Variants in TCOF1 observed in about 807,000 individuals in gnomAD.
The protein encoded by TCOF1 is treacle protein.
In TCOF1, 33 loss-of-function variants were observed where a neutral mutation model predicts 149.0. That is an observed-to-expected ratio of 0.22 (90% confidence interval 0.17 to 0.30). The LOEUF (loss-of-function observed/expected upper bound fraction) is 0.30, where lower values mean the gene tolerates loss of function less well. Among genes scored for constraint, TCOF1 ranks in the 10% least tolerant of loss-of-function variants. The pLI, the probability that TCOF1 is intolerant of heterozygous loss-of-function variation, is 1.00. For missense variants in TCOF1, 1,728 were observed against 1,840.7 expected, an observed-to-expected ratio of 0.94 and a Z score of 1.12; for synonymous variants, 789 against 738.8, an observed-to-expected ratio of 1.07 and a Z score of -1.10.
intron 17 of TCOF1, among the ~76,000 whole-genome samples, chr5:150,387,516 C>G (rs1766530030): frequency 6.6e-6 from 1 of 151,406 alleles, no homozygotes; most frequent in Non-Finnish European, 1.5e-5. Context: ...CAGCAAGTAA[C>G]TGTTTCTGAA....
intron 2 of TCOF1, among the ~76,000 whole-genome samples, chr5:150,363,364 A>G (rs1760603869): frequency 6.6e-6 from 1 of 152,162 alleles, no homozygotes; most frequent in Non-Finnish European, 1.5e-5. Context: ...CAGCTGGGAA[A>G]CCTGGGGCCT....
chr5:150,373,268 T>G (rs567956753), intron 7 of TCOF1, among the ~76,000 whole-genome samples: 35 of 152,248 alleles, frequency 2.3e-4, no homozygotes, highest in African/African-American at 7.7e-4. Flanking sequence ...TCACAAGCTG[T>G]GGACTCAAGC....
rs113061810 is a variant in TCOF1 at position 150,392,586 on chromosome 5, C to T, written c.3518-119C>T. ...AGCAGTAGGAAGACTTGTGGTGAGG[C>T]GGGGCAGGGGATGGGGGTGAGGGAC... On this transcript the variant is annotated intron_variant, in intron 21 of 26. Coordinates refer to ENST00000643257, the MANE Select transcript of TCOF1 (RefSeq NM_001371623.1). 246 of 913,376 alleles carry T rather than the reference C, an allele frequency of 2.7e-4. 3 individuals carry two copies. The South Asian group carries it at 2.9e-3, about 11-fold the overall frequency. The allele number at this position is 913,376 out of a possible 1,614,324, so 56.6% of individuals were successfully genotyped here.
chr5:150,375,298 T>G, intron 10 of TCOF1, 41 bp from the exon 11 acceptor site: 1 of 1,606,684 alleles, frequency 6.2e-7, no homozygotes, highest in Non-Finnish European at 8.5e-7. Context: ...CACATTCTCC[T>G]TCTGGACTCC....
chr5:150,357,895 TGTG>T (rs1562261895), intron 1 of TCOF1, 41 bp downstream of exon 1: 31 of 1,539,252 alleles, frequency 2.0e-5, no homozygotes, highest in Non-Finnish European at 2.6e-5. Flanking sequence ...GCGTGCAAGA[TGTG>T]GAGATCAGCG....
intron 7 of TCOF1, among the ~76,000 whole-genome samples, chr5:150,373,828 G>A (rs1163098697): frequency 6.6e-6 from 1 of 152,230 alleles, no homozygotes; most frequent in Non-Finnish European, 1.5e-5. Flanking sequence ...TCTCTGGCCA[G>A]TGGGAGCCCA....
At chr5:150,357,994 C>T (rs1759039244) in intron 1 of TCOF1, 140 bp downstream of exon 1, 2 of 750,658 alleles carry the variant, frequency 2.7e-6, no homozygotes, top group East Asian at 5.8e-5. Flanking sequence ...GCCAGGGGTA[C>T]CGGAGGAGCC....
intron 2 of TCOF1, among the ~76,000 whole-genome samples, chr5:150,361,681 G>A (rs906744622): frequency 6.6e-6 from 1 of 152,206 alleles, no homozygotes; most frequent in Admixed American, 6.5e-5. Context: ...ACATAAATGG[G>A]TAAGTCTGGC....
intron 19 of TCOF1, 50 bp downstream of exon 19, chr5:150,390,073 A>G: frequency 6.4e-7 from 1 of 1,560,144 alleles, no homozygotes; most frequent in South Asian, 1.2e-5. Flanking sequence ...GTGGGGCCCT[A>G]CTTCCATACT....
chr5:150,383,968 A>G, intron 17 of TCOF1: 1 of 1,433,068 alleles, frequency 7.0e-7, no homozygotes, highest in South Asian at 1.5e-5. Context: ...TCCATCAGAC[A>G]GCATTACCCT....
chr5:150,368,369 T>C (rs1363559336), intron 4 of TCOF1: 1 of 382,386 alleles, frequency 2.6e-6, no homozygotes, highest in African/African-American at 2.0e-5. Context: ...AAAGCAGAGT[T>C]AGATACATAC....
intron 1 of TCOF1, among the ~76,000 whole-genome samples, chr5:150,358,098 G>A (rs1759073286): frequency 6.6e-6 from 1 of 152,334 alleles, no homozygotes; most frequent in Middle Eastern, 3.4e-3. Context: ...GCTCGCAGGG[G>A]CCGAACTTTG....
chr5:150,367,434 G>T (rs1761604880), intron 3 of TCOF1: 4 of 225,746 alleles, frequency 1.8e-5, no homozygotes, highest in Admixed American at 1.0e-4. Context: ...CCTGAGGCTG[G>T]CTGCCTGCCT....
At chr5:150,378,203 G>C (rs1359297925) in intron 14 of TCOF1, among the ~76,000 whole-genome samples, 1 of 152,200 alleles carries the variant, frequency 6.6e-6, no homozygotes, top group African/African-American at 2.4e-5. Flanking sequence ...TGCCATCCCT[G>C]AGTGAGGCAG....
intron 23 of TCOF1, among the ~76,000 whole-genome samples, chr5:150,395,218 G>T (rs1468935639): frequency 6.6e-6 from 1 of 152,254 alleles, no homozygotes; most frequent in Non-Finnish European, 1.5e-5. Flanking sequence ...CCTAGCCTCA[G>T]TGTGACATGA....
intron 19 of TCOF1, 101 bp from the exon 20 acceptor site, chr5:150,391,443 G>A (rs1767422859): frequency 1.9e-6 from 2 of 1,052,066 alleles, no homozygotes; most frequent in Non-Finnish European, 3.0e-6. Flanking sequence ...CTCAGTCCCT[G>A]CTCCAGCCCT....
chr5:150,399,371 A>G (rs1561545540), intron 26 of TCOF1, among the ~76,000 whole-genome samples: 1 of 152,120 alleles, frequency 6.6e-6, no homozygotes, highest in South Asian at 2.1e-4. Context: ...GTGAGGTCGG[A>G]TACAGCTTGG....
At position 150,375,256 on chromosome 5, in the gene TCOF1, C is replaced by T. The variant is rs548500476; in HGVS notation, c.1489-83C>T. 120 of 1,605,162 alleles carry T rather than the reference C, an allele frequency of 7.5e-5. No individual in the cohort carries two copies. The African/African-American group carries it at 9.9e-4, about 13-fold the overall frequency. On this transcript the variant is annotated intron_variant, in intron 10 of 26. Transcript: ENST00000643257. The stretch of plus-strand genomic sequence containing the variant: ...TCCTCTCTGAACCTAGAGCCCTGTG[C>T]GGCTGGCTTCGTTTGCTCTCCTCCC...
intron 7 of TCOF1, among the ~76,000 whole-genome samples, chr5:150,373,619 GC>G (rs1327925822): frequency 2.0e-5 from 3 of 152,146 alleles, no homozygotes; most frequent in Non-Finnish European, 4.4e-5. Context: ...TGCAAACCTT[GC>G]CCCATGAGGC....
Sources: allele counts gnomAD v4.1 joint callset (sites outside exome capture counted in the v4.1 genomes callset), GRCh38; gene constraint gnomAD v4.1.1; transcripts MANE v1.5; gene names NCBI Gene and HGNC (gene_info 2026-07-23, HGNC 2026-07-21).